TXNL4A: variants seen among roughly 807,000 people sequenced by gnomAD.
TXNL4A encodes thioredoxin-like protein 4A.
TXNL4A carries 17 observed loss-of-function variants against 14.6 expected under a neutral mutation model. That is an observed-to-expected ratio of 1.16 (90% CI 0.80 to 1.74). The LOEUF (loss-of-function observed/expected upper bound fraction) is 1.74. Ranked by LOEUF, TXNL4A falls within the 40% of genes most tolerant of loss-of-function variation. The probability of loss-of-function intolerance (pLI) is 0.00; values close to 1 mark genes in which losing one functional copy is unlikely to be tolerated. For missense variants in TXNL4A, 74 were observed against 195.2 expected, an observed-to-expected ratio of 0.38 and a Z score of 3.70; for synonymous variants, 83 against 70.6, an observed-to-expected ratio of 1.18 and a Z score of -0.88.
rs1380428584 is a variant in TXNL4A, at chr18:80,000,330, T to C, written c.-60-22629A>G. On this transcript the variant is annotated intron_variant, in intron 1 of 2. Transcript: ENST00000585474. The stretch of plus-strand genomic sequence containing the variant: ...TGGTCTCAGATGGAGAGAAGGAACT[T>C]GTTGGGAACTAGAATAAAGGTGACT... 1.3e-5 allele frequency among the ~76,000 whole-genome samples: 2 copies of C among 152,226 alleles called. 1 individual carries two copies. The highest frequency in any genetic ancestry group is 3.8e-4 in the East Asian group (2 of 5,198).
chr18:80,011,673 C>T lies in TXNL4A; in HGVS notation c.-61+22178G>A, dbSNP rs917464243. On this transcript the variant is annotated intron_variant, in intron 1 of 2. Coordinates refer to the TXNL4A transcript ENST00000585474. This position sits in a 1 kb window ranked among gnomAD's most constrained non-coding sequence, Gnocchi z 4.1. The stretch of plus-strand genomic sequence containing the variant: ...CCGCTCGGCGGCATTCCACAGGTGG[C>T]TCAGGGAGATAACACTTCCTTGAAG... Among the ~76,000 whole-genome samples, 6 of 152,136 alleles carry T rather than the reference C, an allele frequency of 3.9e-5. No individual in the cohort carries two copies. Among genetic ancestry groups the T allele is most frequent in the African/African-American group, 1.2e-4 (5 of 41,412 alleles).
chr18:80,006,638 T>G (rs2051733122), intron 1 of TXNL4A, among the ~76,000 whole-genome samples: 1 of 152,228 alleles, frequency 6.6e-6, no homozygotes, highest in Admixed American at 6.5e-5. Flanking sequence ...TGAGGTTTGT[T>G]GCCTCATGTC....
chr18:80,001,777 T>C (rs1384527200), intron 1 of TXNL4A, among the ~76,000 whole-genome samples: 5 of 152,182 alleles, frequency 3.3e-5, no homozygotes, highest in African/African-American at 1.2e-4. Context: ...ATACCCCCAT[T>C]GTATCTAGGA....
At chr18:79,984,775 A>G (rs2145079635) in intron 1 of TXNL4A, among the ~76,000 whole-genome samples, 1 of 152,288 alleles carries the variant, frequency 6.6e-6, no homozygotes, top group Admixed American at 6.5e-5. Flanking sequence ...TGCCCAGCTC[A>G]CTGAGACTAT....
chr18:80,023,400 C>G (rs1434770860), intron 1 of TXNL4A, among the ~76,000 whole-genome samples: 2 of 152,142 alleles, frequency 1.3e-5, no homozygotes, highest in Non-Finnish European at 2.9e-5. Context: ...TCCTATTCCA[C>G]TAGGTGGCGC....
upstream of TXNL4A, chr18:79,988,625 G>T: frequency 2.7e-6 from 1 of 368,664 alleles, no homozygotes; most frequent in Non-Finnish European, 4.7e-6. Flanking sequence ...CGCCGTGCGT[G>T]CTGACGGCAT....
intron 1 of TXNL4A, among the ~76,000 whole-genome samples, chr18:80,000,319 G>A (rs182080285): frequency 3.3e-5 from 5 of 152,320 alleles, no homozygotes; most frequent in African/African-American, 1.2e-4. Context: ...CTCAGATGGA[G>A]AGAAGGAACT....
rs1324392511 is a variant in TXNL4A, at chr18:80,026,497, T to A, written c.-61+7354A>T. On this transcript the variant is annotated intron_variant, in intron 1 of 2. Coordinates refer to the TXNL4A transcript ENST00000585474. Reference sequence around the variant, plus strand: ...AATATTCTACCCTGACAAAAAAAACTGAGGGAGATTAATATAATAACCATG... The same window carrying A: ...AATATTCTACCCTGACAAAAAAAACAGAGGGAGATTAATATAATAACCATG... Among the ~76,000 whole-genome samples, 3 of 151,958 alleles carry A rather than the reference T, an allele frequency of 2.0e-5. No homozygotes were observed. The East Asian group carries it at 5.8e-4, about 29-fold the overall frequency.
At chr18:80,018,070 C>G (rs1287418433) in intron 1 of TXNL4A, among the ~76,000 whole-genome samples, 5 of 152,124 alleles carry the variant, frequency 3.3e-5, no homozygotes, top group Non-Finnish European at 4.4e-5. Flanking sequence ...AGAGATTCAA[C>G]TTCTTCCTGG....
intron 1 of TXNL4A, among the ~76,000 whole-genome samples, chr18:80,016,923 G>A (rs569207908): frequency 3.9e-5 from 6 of 152,066 alleles, no homozygotes; most frequent in Admixed American, 6.6e-5. Flanking sequence ...GCTTGATGGG[G>A]ATGGCATTGA....
upstream of TXNL4A, among the ~76,000 whole-genome samples, chr18:79,991,271 C>A (rs1490860130): frequency 1.3e-5 from 2 of 152,096 alleles, no homozygotes; most frequent in Admixed American, 1.3e-4. Flanking sequence ...CATTAACAGT[C>A]ATTTCCCATT....
At position 79,973,514 on chromosome 18, in the gene TXNL4A, C is replaced by A; in HGVS notation, c.*171G>T. 1.4e-6 allele frequency: 1 copy of A among 714,678 alleles called. No individual in the cohort carries two copies. The allele number at this position is 714,678 out of a possible 1,614,324, so 44.3% of individuals were successfully genotyped here. On this transcript the variant is annotated 3_prime_UTR_variant, in exon 3 of 3. Coordinates refer to ENST00000269601, the MANE Select transcript of TXNL4A (RefSeq NM_006701.5). ...CTGAGAACAAACAAGTAGGCCTGCT[C>A]CTCTCACCACGTGCTTGTTTATTTC...
chr18:80,016,346 C>A (rs368337938), intron 1 of TXNL4A, among the ~76,000 whole-genome samples: 1 of 151,920 alleles, frequency 6.6e-6, no homozygotes. Context: ...TCTTTTGCTG[C>A]GCAGAAGCTC....
chr18:79,975,534 G>C (rs1281078044), intron 2 of TXNL4A, among the ~76,000 whole-genome samples: 1 of 152,178 alleles, frequency 6.6e-6, no homozygotes, highest in African/African-American at 2.4e-5. Flanking sequence ...TGCACGCTGT[G>C]GGGGGCAGAG....
At chr18:79,975,007 T>C (rs2051357477) in intron 2 of TXNL4A, among the ~76,000 whole-genome samples, 2 of 152,352 alleles carry the variant, frequency 1.3e-5, no homozygotes, top group East Asian at 3.9e-4. Flanking sequence ...GATCAGGGTC[T>C]GGAGCCCACC....
In TXNL4A at chr18:80,031,662, C is replaced by T. The variant is rs565555216; in HGVS notation, c.-61+2189G>A. Among the ~76,000 whole-genome samples the T allele has an allele frequency of 7.9e-5, 12 of 152,308 alleles. No homozygotes were observed. In the East Asian group the frequency reaches 1.2e-3, roughly 15 times the overall value. ...CTACATGAGTTACCTCTTTGCCAAA[C>T]GACGGGGTCATGCTTATGAGGAAAG... On this transcript the variant is annotated intron_variant, in intron 1 of 2. Transcript: ENST00000585474.
At chr18:80,024,304 G>C (rs2051870032) in intron 1 of TXNL4A, among the ~76,000 whole-genome samples, 2 of 152,124 alleles carry the variant, frequency 1.3e-5, no homozygotes, top group African/African-American at 4.8e-5. Flanking sequence ...CCTATCACTA[G>C]GTAAGAAACT....
chr18:79,988,787 G>A (rs2051600140), upstream of TXNL4A, among the ~76,000 whole-genome samples: 2 of 151,876 alleles, frequency 1.3e-5, no homozygotes, highest in South Asian at 4.2e-4. Context: ...AGAAGCCCCG[G>A]GCTCGCCGTG....
rs561648594 is a variant in TXNL4A at position 79,982,635 on chromosome 18, T to C, written c.154-4934A>G. On this transcript the variant is annotated intron_variant, in intron 1 of 2. Transcript: ENST00000269601. This position sits in a 1 kb window ranked among gnomAD's most constrained non-coding sequence, Gnocchi z 4.0. ...CCAGAGAGGTTACCAGAAAGGACGA[T>C]ATGGGAACGGGGACACTGCAGGGGC... Among the ~76,000 whole-genome samples, 5 of 152,178 alleles carry C rather than the reference T, an allele frequency of 3.3e-5. No individual in the cohort carries two copies. The East Asian group carries it at 9.7e-4, about 29-fold the overall frequency.
Sources: gnomAD v4.1 joint callset for allele counts (sites outside exome capture counted in the v4.1 genomes callset) on GRCh38, gnomAD v4.1.1 for gene constraint, Gnocchi (gnomAD v3.1) non-coding constraint, MANE v1.5 for transcripts, NCBI Gene and HGNC (gene_info 2026-07-23, HGNC 2026-07-21) for gene names.